PPEF1: variants seen among roughly 807,000 people sequenced by gnomAD.
The protein encoded by PPEF1 is serine/threonine-protein phosphatase with EF-hands 1.
Under a neutral mutation model 53.3 loss-of-function variants are expected in PPEF1, and 12 were observed. The ratio of observed to expected loss-of-function variants is 0.23; its 90% CI spans 0.14 to 0.36. The LOEUF (loss-of-function observed/expected upper bound fraction) is 0.36. Among genes scored for constraint, PPEF1 ranks in the 10% least tolerant of loss-of-function variants. The probability of loss-of-function intolerance (pLI) is 1.00; values close to 1 mark genes in which losing one functional copy is unlikely to be tolerated. For synonymous variants in PPEF1, 165 were observed against 176.7 expected (o/e 0.93, Z 0.52); for missense variants, 334 against 490.4 (o/e 0.68, Z 3.01).
intron 6 of PPEF1, among the ~76,000 whole-genome samples, chrX:18,764,333 G>A (rs1428840723): frequency 9.0e-6 from 1 of 111,402 alleles, no homozygotes; most frequent in Admixed American, 9.5e-5. Flanking sequence ...CCTGAAAGGA[G>A]GGTGGTGGGG....
chrX:18,823,824 A>G, intron 13 of PPEF1, 99 bp from the exon 14 acceptor site: 1 of 913,447 alleles, frequency 1.1e-6, no homozygotes, highest in South Asian at 2.5e-5. Flanking sequence ...TATGAGGGAG[A>G]GCAGCTGGCC....
In PPEF1 at chrX:18,683,050, A is replaced by C. The variant is rs766513119; in HGVS notation, c.-638+49A>C. Among the ~76,000 whole-genome samples the C allele has an allele frequency of 1.4e-4, 16 of 111,455 alleles. No individual in the cohort carries two copies. The South Asian group carries it at 6.1e-3, about 43-fold the overall frequency. Reference sequence around the variant, plus strand: ...CAAAAGGGGAAGCCAAAACCATCAGATCTCATGAGACTTATTCACTCTCAT... The same window carrying C: ...CAAAAGGGGAAGCCAAAACCATCAGCTCTCATGAGACTTATTCACTCTCAT... On this transcript the variant is annotated intron_variant, in intron 1 of 21. Transcript: ENST00000361511.
intron 1 of PPEF1, among the ~76,000 whole-genome samples, chrX:18,711,411 A>G (rs1168855817): frequency 9.0e-6 from 1 of 111,078 alleles, no homozygotes; most frequent in Non-Finnish European, 1.9e-5. Context: ...CCCAGACTTC[A>G]TTATACATGT....
At chrX:18,798,365 C>T (rs987505885) in intron 10 of PPEF1, among the ~76,000 whole-genome samples, 1 of 111,840 alleles carries the variant, frequency 8.9e-6, no homozygotes, top group Non-Finnish European at 1.9e-5. Context: ...TAGTCAGCAG[C>T]ATTGAGGAGG....
At chrX:18,812,971 C>T (rs758996291) in intron 12 of PPEF1, among the ~76,000 whole-genome samples, 4 of 111,269 alleles carry the variant, frequency 3.6e-5, no homozygotes, top group Non-Finnish European at 7.5e-5. Context: ...AACTCCTGGG[C>T]TCAAGTGATC....
At chrX:18,738,044 A>G (rs1180521718) in intron 3 of PPEF1, among the ~76,000 whole-genome samples, 3 of 110,562 alleles carry the variant, frequency 2.7e-5, no homozygotes, top group Non-Finnish European at 3.8e-5. Flanking sequence ...GGTCTCCTGA[A>G]TACAGCACAC....
At chrX:18,685,597 A>G (rs917349562) in intron 2 of PPEF1, among the ~76,000 whole-genome samples, 1 of 103,006 alleles carries the variant, frequency 9.7e-6, no homozygotes, top group Admixed American at 1.1e-4. Flanking sequence ...AGGCAGGAGG[A>G]TGGCGTGAAC....
At chrX:18,790,072 A>G (rs2046297684) in intron 10 of PPEF1, among the ~76,000 whole-genome samples, 1 of 112,175 alleles carries the variant, frequency 8.9e-6, no homozygotes, top group African/African-American at 3.2e-5. Flanking sequence ...GCAATGGATG[A>G]ACGTTCCAAT....
chrX:18,743,325 A>G (rs1341865417), intron 3 of PPEF1, among the ~76,000 whole-genome samples: 1 of 111,660 alleles, frequency 9.0e-6, no homozygotes, highest in African/African-American at 3.3e-5. Flanking sequence ...TTGCAATAGT[A>G]CATTCATTTC....
intron 3 of PPEF1, among the ~76,000 whole-genome samples, chrX:18,737,385 A>G (rs921682156): frequency 2.9e-4 from 32 of 111,963 alleles, no homozygotes; most frequent in Non-Finnish European, 5.4e-4. Context: ...GTTATGTACC[A>G]GTAGTCATTC....
intron 1 of PPEF1, among the ~76,000 whole-genome samples, chrX:18,712,678 T>A (rs1239473128): frequency 8.9e-6 from 1 of 112,129 alleles, no homozygotes; most frequent in Non-Finnish European, 1.9e-5. Flanking sequence ...TAGCCATCCT[T>A]GTCTTGTTCC....
Position 18,827,437 on chromosome X carries a change from G to A in PPEF1, c.1912G>A (p.Val638Met). The A allele has an allele frequency of 2.5e-6, 3 of 1,210,402 alleles. No individual in the cohort carries two copies. The highest frequency in any genetic ancestry group is 3.4e-6 in the Non-Finnish European group (3 of 894,340). The change falls in exon 16 of 16, where the codon GTG (valine) becomes ATG (methionine). Residue 638 changes from valine (V) to methionine (M), a missense_variant. Physicochemically the swap from Val to Met is conservative, Grantham distance 21. Transcript: ENST00000470157. ...TGAGTTTTTAAAGGCTTTCTATGTA[G>A]TGCATAGATATGAAGACTTGATGAA... is the stretch of plus-strand genomic sequence containing the variant. ...FNEFLKAFYV[V>M]HRYEDLMKPD...
upstream of PPEF1, among the ~76,000 whole-genome samples, chrX:18,679,486 T>C (rs1222025303): frequency 8.9e-6 from 1 of 111,908 alleles, no homozygotes. Flanking sequence ...AGTGTAATCT[T>C]ACTAGCAAAG....
chrX:18,728,104 C>CT (rs1215417182), intron 1 of PPEF1, among the ~76,000 whole-genome samples: 1 of 110,337 alleles, frequency 9.1e-6, no homozygotes, highest in Non-Finnish European at 1.9e-5. Flanking sequence ...CCCCTGAGGC[C>CT]TAACATACCC....
At chrX:18,719,201 T>C (rs758860179) in intron 1 of PPEF1, among the ~76,000 whole-genome samples, 1 of 111,802 alleles carries the variant, frequency 8.9e-6, no homozygotes, top group Admixed American at 9.5e-5. Flanking sequence ...AAACATAATA[T>C]GGTAGGAAGG....
intron 3 of PPEF1, among the ~76,000 whole-genome samples, chrX:18,739,902 G>A (rs1042017015): frequency 8.9e-6 from 1 of 112,394 alleles, no homozygotes; most frequent in Non-Finnish European, 1.9e-5. Flanking sequence ...CTAGCAGTGA[G>A]CGAGGCTCCG....
chrX:18,786,263 T>C (rs2046196527), intron 9 of PPEF1, among the ~76,000 whole-genome samples: 1 of 111,585 alleles, frequency 9.0e-6, no homozygotes, highest in Non-Finnish European at 1.9e-5. Context: ...TGTCCCTCAC[T>C]AGCTCTGTGG....
intron 7 of PPEF1, among the ~76,000 whole-genome samples, chrX:18,779,795 AAAT>A (rs755860473): frequency 8.9e-6 from 1 of 111,968 alleles, no homozygotes; most frequent in South Asian, 3.7e-4. Context: ...TTCTTTTAAA[AAAT>A]CTCTTGTTTT....
intron 6 of PPEF1, among the ~76,000 whole-genome samples, chrX:18,772,462 A>AT (rs1368822028): frequency 9.0e-6 from 1 of 111,166 alleles, no homozygotes; most frequent in African/African-American, 3.3e-5. Context: ...TATGTTAATC[A>AT]TTTTTTTTGT....
Sources: allele counts gnomAD v4.1 joint callset (sites outside exome capture counted in the v4.1 genomes callset), GRCh38; gene constraint gnomAD v4.1.1; transcripts MANE v1.5; gene names NCBI Gene and HGNC (gene_info 2026-07-23, HGNC 2026-07-21).